SMAD9: variants seen among roughly 807,000 people sequenced by gnomAD.
The protein encoded by SMAD9 is SMAD family member 9, also known as MAD homolog 9.
Under a neutral mutation model 46.1 loss-of-function variants are expected in SMAD9, and 36 were observed. The ratio of observed to expected loss-of-function variants is 0.78; its 90% confidence interval spans 0.60 to 1.03. The LOEUF (loss-of-function observed/expected upper bound fraction) is 1.03. Among genes scored for constraint, SMAD9 ranks in the 50% least tolerant of loss-of-function variants. The pLI, the probability that SMAD9 is intolerant of heterozygous loss-of-function variation, is 0.00. For synonymous variants in SMAD9, 245 were observed against 237.1 expected, an observed-to-expected ratio of 1.03 and a Z score of -0.31; for missense variants, 572 against 599.8, an observed-to-expected ratio of 0.95 and a Z score of 0.48.
chr13:36,898,782 A>G (rs1365605960), intron 1 of SMAD9, among the ~76,000 whole-genome samples: 2 of 152,226 alleles, frequency 1.3e-5, no homozygotes, highest in Admixed American at 6.5e-5. Context: ...CACAATCTGT[A>G]CAGGGTAACT....
intron 3 of SMAD9, among the ~76,000 whole-genome samples, chr13:36,870,692 C>G (rs1027154263): frequency 4.0e-5 from 5 of 126,116 alleles, no homozygotes; most frequent in African/African-American, 1.7e-4. Flanking sequence ...TACAGAATAC[C>G]ACATATACTA....
intron 1 of SMAD9, among the ~76,000 whole-genome samples, chr13:36,892,400 G>GT (rs2058495326): frequency 6.6e-6 from 1 of 152,168 alleles, no homozygotes; most frequent in Non-Finnish European, 1.5e-5. Context: ...TGCAAAGAAA[G>GT]TATCAGGAAA....
intron 6 of SMAD9, chr13:36,852,141 A>C (rs1413180288): frequency 1.0e-6 from 1 of 965,336 alleles, no homozygotes; most frequent in Non-Finnish European, 1.2e-6. Flanking sequence ...AATTTCAAGC[A>C]GCTGTTTTTT....
chr13:36,854,064 CAGG>C (rs1239129944), intron 5 of SMAD9, among the ~76,000 whole-genome samples: 3 of 152,054 alleles, frequency 2.0e-5, no homozygotes, highest in Non-Finnish European at 4.4e-5. Flanking sequence ...GAGGCTCAGG[CAGG>C]AGAATTGCTT....
chr13:36,910,905 G>C (rs958530532), intron 1 of SMAD9, among the ~76,000 whole-genome samples: 4 of 152,164 alleles, frequency 2.6e-5, no homozygotes, highest in Admixed American at 2.0e-4. Flanking sequence ...CCACATTGTG[G>C]TCTGTACTAC....
chr13:36,867,716 T>C (rs2058249566), intron 3 of SMAD9, among the ~76,000 whole-genome samples: 1 of 152,236 alleles, frequency 6.6e-6, no homozygotes, highest in African/African-American at 2.4e-5. Flanking sequence ...GTGATCTGGC[T>C]TGCAAAACAC....
intron 1 of SMAD9, among the ~76,000 whole-genome samples, chr13:36,916,241 G>C (rs2058697689): frequency 6.6e-6 from 1 of 152,192 alleles, no homozygotes; most frequent in African/African-American, 2.4e-5. Context: ...ATTTTCTGTG[G>C]AATCACATTA....
At chr13:36,900,251 T>C (rs758354916) in intron 1 of SMAD9, among the ~76,000 whole-genome samples, 3 of 152,142 alleles carry the variant, frequency 2.0e-5, no homozygotes, top group Non-Finnish European at 4.4e-5. Context: ...TACTCAAATA[T>C]CTTAGTGAAG....
chr13:36,853,210 G>A (rs562408604), intron 6 of SMAD9, among the ~76,000 whole-genome samples: 292 of 152,208 alleles, frequency 1.9e-3, no homozygotes, highest in Non-Finnish European at 2.6e-3. Context: ...GCTTGAACCC[G>A]GGAGGCAGAG....
At chr13:36,906,829 C>T (rs1211393631) in intron 1 of SMAD9, among the ~76,000 whole-genome samples, 1 of 152,136 alleles carries the variant, frequency 6.6e-6, no homozygotes, top group Non-Finnish European at 1.5e-5. Flanking sequence ...AATGGCTTAG[C>T]AGGTGTGGGA....
chr13:36,894,314 C>T (rs765192495), intron 1 of SMAD9, among the ~76,000 whole-genome samples: 8 of 152,042 alleles, frequency 5.3e-5, no homozygotes, highest in African/African-American at 1.4e-4. Context: ...TGAGATCTGA[C>T]GGTTTTCTAA....
Position 36,901,490 on chromosome 13 carries a change from C to T in SMAD9, c.-187+18626G>A, listed in dbSNP as rs566240540. Among the ~76,000 whole-genome samples the T allele has an allele frequency of 2.3e-3, 339 of 149,534 alleles. 2 individuals are homozygous for T. The highest frequency in any genetic ancestry group is 8.1e-3 in the African/African-American group (328 of 40,616). ...TCACCCAGGCTGGAGTGCAATGGTG[C>T]GATCTCAGCTCACTGCAACCTCCGC... On this transcript the variant is annotated intron_variant, in intron 1 of 6. Coordinates refer to ENST00000379826, the MANE Select transcript of SMAD9 (RefSeq NM_001127217.3).
intron 1 of SMAD9, among the ~76,000 whole-genome samples, chr13:36,887,470 G>A (rs1182603039): frequency 1.3e-5 from 2 of 151,890 alleles, no homozygotes; most frequent in East Asian, 1.9e-4. Flanking sequence ...TGGTCCGCTC[G>A]CTTCGGCCTC....
At chr13:36,915,732 T>C (rs1283227256) in intron 1 of SMAD9, among the ~76,000 whole-genome samples, 1 of 152,220 alleles carries the variant, frequency 6.6e-6, no homozygotes, top group Admixed American at 6.5e-5. Context: ...CTTCAGTGCT[T>C]ATGACTTCTA....
chr13:36,861,866 T>G (rs1593561070), intron 5 of SMAD9, among the ~76,000 whole-genome samples: 1 of 151,208 alleles, frequency 6.6e-6, no homozygotes, highest in South Asian at 2.1e-4. Context: ...GAGGCAGAGG[T>G]TGCAGTAAGC....
At chr13:36,900,691 A>ACG (rs1189337940) in intron 1 of SMAD9, among the ~76,000 whole-genome samples, 1 of 75,610 alleles carries the variant, frequency 1.3e-5, no homozygotes, top group Non-Finnish European at 2.4e-5. Context: ...GACTACACAC[A>ACG]CACACACACA....
intron 6 of SMAD9, 33 bp from the exon 7 acceptor site, chr13:36,848,852 C>T: frequency 1.2e-6 from 2 of 1,609,022 alleles, no homozygotes; most frequent in South Asian, 1.1e-5. Context: ...AGTGATGGTG[C>T]CACACTTACA....
At chr13:36,862,171 T>C (rs754650858) in intron 5 of SMAD9, among the ~76,000 whole-genome samples, 28 of 152,084 alleles carry the variant, frequency 1.8e-4, no homozygotes, top group Non-Finnish European at 3.8e-4. Context: ...GTCACAGCCA[T>C]TTGAACCAGA....
rs181049365 is a variant in SMAD9 at position 36,903,171 on chromosome 13, G to A, written c.-187+16945C>T. Among the ~76,000 whole-genome samples, 50 of 143,628 alleles carry A rather than the reference G, an allele frequency of 3.5e-4. 1 individual carries two copies. The highest frequency in any genetic ancestry group is 6.9e-4 in the Non-Finnish European group (46 of 67,018). The allele number at this position is 143,628 out of a possible 152,430, so 94.2% of individuals were successfully genotyped here. ...AGACAGAGTCTTGCTCTATCACCCA[G>A]GCTGGAGAGCAGTGACGCCATCTTA... is the stretch of plus-strand genomic sequence containing the variant. On this transcript the variant is annotated intron_variant, in intron 1 of 6. Coordinates refer to ENST00000379826, the MANE Select transcript of SMAD9 (RefSeq NM_001127217.3).
Sources: gnomAD v4.1 joint callset for allele counts (sites outside exome capture counted in the v4.1 genomes callset) on GRCh38, gnomAD v4.1.1 for gene constraint, MANE v1.5 for transcripts, NCBI Gene and HGNC (gene_info 2026-07-23, HGNC 2026-07-21) for gene names.